Variants in R3HCC1L observed in about 807,000 individuals in gnomAD.
R3HCC1L encodes the protein R3H domain and coiled-coil containing 1 like.
Under a neutral mutation model 59.9 loss-of-function variants are expected in R3HCC1L, and 51 were observed. The ratio of observed to expected loss-of-function variants is 0.85; its 90% CI spans 0.68 to 1.07. The LOEUF (loss-of-function observed/expected upper bound fraction) is 1.07. R3HCC1L is among the 50% of genes least tolerant of loss of function. R3HCC1L has a pLI of 0.00. For synonymous variants in R3HCC1L, 322 were observed against 315.2 expected, an observed-to-expected ratio of 1.02 and a Z score of -0.23; for missense variants, 965 against 933.0, an observed-to-expected ratio of 1.03 and a Z score of -0.45.
intron 9 of R3HCC1L, among the ~76,000 whole-genome samples, chr10:98,238,096 T>C (rs529659471): frequency 6.6e-6 from 1 of 152,372 alleles, no homozygotes; most frequent in South Asian, 2.1e-4. Context: ...CTCCTGTTTC[T>C]ATAGGCCTAT....
At chr10:98,173,086 A>G (rs1014183406) in intron 4 of R3HCC1L, among the ~76,000 whole-genome samples, 8 of 152,236 alleles carry the variant, frequency 5.3e-5, no homozygotes, top group African/African-American at 1.9e-4. Context: ...TGGAATTTTC[A>G]TTCTCTTATT....
Position 98,170,794 on chromosome 10 carries a change from C to A in R3HCC1L, c.-15+7397C>A, listed in dbSNP as rs553842311. On this transcript the variant is annotated intron_variant, in intron 4 of 9. Transcript: ENST00000298999. ...GAAGAGGACACATTGACCCTCTGTT[C>A]ATTTAGGTTAAGTCATAGAGCCTCT... Among the ~76,000 whole-genome samples, 3 of 152,324 alleles carry A rather than the reference C, an allele frequency of 2.0e-5. No homozygotes were observed. The East Asian group carries it at 5.8e-4, about 29-fold the overall frequency.
At chr10:98,215,699 C>G (rs1009855607) in intron 5 of R3HCC1L, among the ~76,000 whole-genome samples, 3 of 152,206 alleles carry the variant, frequency 2.0e-5, no homozygotes, top group Admixed American at 2.0e-4. Flanking sequence ...CTCCACATTA[C>G]TGACCATCCT....
At position 98,210,009 on chromosome 10, in the gene R3HCC1L, A is replaced by G. The variant is rs147635571; in HGVS notation, c.1785+110A>G. The G allele has an allele frequency of 1.6e-3, 1,290 of 799,800 alleles. 6 individuals carry two copies. Among genetic ancestry groups the G allele is most frequent in the Non-Finnish European group, 1.0e-3 (530 of 505,846 alleles). 49.5% of individuals were successfully genotyped at this position (799,800 alleles called of 1,614,324 possible). Reference sequence around the variant, plus strand: ...TCACTGATATTTAAGAGTTCCTGCAATAAACTAATAGGCTTGTAGATTAAG... The same window carrying G: ...TCACTGATATTTAAGAGTTCCTGCAGTAAACTAATAGGCTTGTAGATTAAG... On this transcript the variant is annotated intron_variant, in intron 5 of 9. Transcript: ENST00000298999.
At chr10:98,194,080 A>G (rs1305674032) in intron 4 of R3HCC1L, among the ~76,000 whole-genome samples, 1 of 152,186 alleles carries the variant, frequency 6.6e-6, no homozygotes, top group Non-Finnish European at 1.5e-5. Flanking sequence ...CTGATTCCAT[A>G]GTATATTACA....
At chr10:98,225,105 T>TA (rs1182358307) in intron 5 of R3HCC1L, among the ~76,000 whole-genome samples, 1 of 152,246 alleles carries the variant, frequency 6.6e-6, no homozygotes, top group Non-Finnish European at 1.5e-5. Context: ...ATTTTATACT[T>TA]ACAGCATATC....
intron 4 of R3HCC1L, among the ~76,000 whole-genome samples, chr10:98,182,780 C>T (rs945142132): frequency 2.0e-5 from 3 of 152,178 alleles, no homozygotes; most frequent in African/African-American, 7.2e-5. Flanking sequence ...TGCTGCCTCG[C>T]AGTTCGATCT....
intron 1 of R3HCC1L, among the ~76,000 whole-genome samples, chr10:98,149,107 T>G (rs1007784973): frequency 1.3e-4 from 20 of 152,316 alleles, no homozygotes; most frequent in South Asian, 8.3e-4. Flanking sequence ...GTTGTATGTG[T>G]CCAGGAATTT....
chr10:98,146,084 CT>C (rs1845625001), intron 1 of R3HCC1L, among the ~76,000 whole-genome samples: 1 of 152,124 alleles, frequency 6.6e-6, no homozygotes, highest in African/African-American at 2.4e-5. Context: ...AAAAATTAAT[CT>C]GCAGAAACAT....
chr10:98,202,788 G>A (rs554011400), intron 4 of R3HCC1L, among the ~76,000 whole-genome samples: 2 of 151,998 alleles, frequency 1.3e-5, no homozygotes, highest in East Asian at 3.9e-4. Flanking sequence ...CCTGCGAGGC[G>A]GAGGTTACAG....
chr10:98,166,164 C>CT (rs1847923608), intron 4 of R3HCC1L, among the ~76,000 whole-genome samples: 2 of 152,104 alleles, frequency 1.3e-5, no homozygotes, highest in Non-Finnish European at 2.9e-5. Context: ...AGTGAAAACT[C>CT]TGTCTCAAAA....
At chr10:98,240,320 CAAAAT>C (rs1369655721) in intron 9 of R3HCC1L, among the ~76,000 whole-genome samples, 1 of 152,072 alleles carries the variant, frequency 6.6e-6, no homozygotes, top group South Asian at 2.1e-4. Flanking sequence ...AAATAAAAAA[CAAAAT>C]AAAGACCAAA....
At chr10:98,167,963 G>T (rs904285713) in intron 4 of R3HCC1L, among the ~76,000 whole-genome samples, 2 of 152,120 alleles carry the variant, frequency 1.3e-5, no homozygotes, top group African/African-American at 4.8e-5. Context: ...GCATGTCAAG[G>T]TTGAGGTAAA....
chr10:98,139,079 A>G (rs1440651488), intron 1 of R3HCC1L, among the ~76,000 whole-genome samples: 1 of 152,164 alleles, frequency 6.6e-6, no homozygotes, highest in Non-Finnish European at 1.5e-5. Flanking sequence ...GTTGACTGTG[A>G]CCATGGAACC....
At chr10:98,205,197 A>G (rs1315365883) in intron 4 of R3HCC1L, among the ~76,000 whole-genome samples, 1 of 152,194 alleles carries the variant, frequency 6.6e-6, no homozygotes, top group Non-Finnish European at 1.5e-5. Flanking sequence ...TTTTATTATA[A>G]TCTATGCTTT....
At chr10:98,169,073 C>G (rs1848241171) in intron 4 of R3HCC1L, among the ~76,000 whole-genome samples, 1 of 152,118 alleles carries the variant, frequency 6.6e-6, no homozygotes. Flanking sequence ...TTATTGTCAG[C>G]CTTTTTAAGT....
intron 5 of R3HCC1L, among the ~76,000 whole-genome samples, chr10:98,215,715 C>T (rs968265837): frequency 4.2e-4 from 64 of 152,260 alleles, no homozygotes; most frequent in African/African-American, 1.5e-3. Flanking sequence ...ATCCTTTCTG[C>T]CAGTTTTGGT....
At chr10:98,237,030 A>T (rs1486281561) in intron 9 of R3HCC1L, among the ~76,000 whole-genome samples, 6 of 152,186 alleles carry the variant, frequency 3.9e-5, no homozygotes, top group Non-Finnish European at 7.3e-5. Flanking sequence ...CAAGGCCATT[A>T]ATACGTCCTG....
chr10:98,218,353 T>TA (rs917832169), intron 5 of R3HCC1L, among the ~76,000 whole-genome samples: 82 of 147,228 alleles, frequency 5.6e-4, no homozygotes, highest in African/African-American at 1.2e-3. Context: ...AAATTCAACA[T>TA]AAAAAAAAAA....
Sources: allele counts gnomAD v4.1 joint callset (sites outside exome capture counted in the v4.1 genomes callset), GRCh38; gene constraint gnomAD v4.1.1; transcripts MANE v1.5; gene names NCBI Gene and HGNC (gene_info 2026-07-23, HGNC 2026-07-21).